Variants in GRID1 observed in about 807,000 individuals in gnomAD.
The protein encoded by GRID1 is glutamate ionotropic receptor delta type subunit 1.
GRID1 carries 28 observed loss-of-function variants against 98.0 expected under a neutral mutation model. The observed-to-expected ratio is 0.29, with a 90% CI of 0.21 to 0.39. The LOEUF (loss-of-function observed/expected upper bound fraction) is 0.39. Among genes scored for constraint, GRID1 ranks in the 10% least tolerant of loss-of-function variants. The probability of loss-of-function intolerance (pLI) is 1.00; values close to 1 mark genes in which losing one functional copy is unlikely to be tolerated. For synonymous variants in GRID1, 553 were observed against 538.5 expected, an observed-to-expected ratio of 1.03 and a Z score of -0.37; for missense variants, 1,111 against 1,340.5, an observed-to-expected ratio of 0.83 and a Z score of 2.67.
intron 4 of GRID1, among the ~76,000 whole-genome samples, chr10:86,096,629 C>G (rs1189095712): frequency 2.0e-5 from 3 of 152,222 alleles, no homozygotes; most frequent in Non-Finnish European, 4.4e-5. Context: ...GACCAGGAAA[C>G]TCATTTCACA....
intron 2 of GRID1, among the ~76,000 whole-genome samples, chr10:86,305,840 CA>C (rs994334276): frequency 1.3e-5 from 2 of 152,176 alleles, no homozygotes; most frequent in Non-Finnish European, 2.9e-5. Flanking sequence ...ACAATCTTCA[CA>C]AAAATTCTAT....
chr10:85,720,379 C>G (rs1159843690), intron 12 of GRID1, among the ~76,000 whole-genome samples: 3 of 151,688 alleles, frequency 2.0e-5, no homozygotes, highest in African/African-American at 7.3e-5. Flanking sequence ...ATAATGCTAA[C>G]AAAGAAGATT....
At chr10:85,996,785 T>G (rs529901746) in intron 4 of GRID1, among the ~76,000 whole-genome samples, 1 of 147,382 alleles carries the variant, frequency 6.8e-6, no homozygotes, top group African/African-American at 2.5e-5. Context: ...GCTGAGATCA[T>G]GCTATTGCAC....
chr10:85,701,372 G>A (rs1447939743), intron 12 of GRID1, among the ~76,000 whole-genome samples: 1 of 136,242 alleles, frequency 7.3e-6, no homozygotes, highest in African/African-American at 2.6e-5. Flanking sequence ...CAGAGAATAT[G>A]GACGCCAAGA....
chr10:85,866,160 A>G (rs944194206), intron 6 of GRID1, among the ~76,000 whole-genome samples: 1 of 151,120 alleles, frequency 6.6e-6, no homozygotes, highest in Non-Finnish European at 1.5e-5. Context: ...CAAGGAAGCT[A>G]TGATTGAGTA....
intron 4 of GRID1, among the ~76,000 whole-genome samples, chr10:85,982,916 G>A (rs1203471088): frequency 3.3e-5 from 5 of 152,134 alleles, no homozygotes; most frequent in African/African-American, 1.2e-4. Context: ...CTTAAATCAA[G>A]ACTGTAAAAA....
intron 2 of GRID1, among the ~76,000 whole-genome samples, chr10:86,213,610 T>C (rs1405295589): frequency 2.0e-5 from 3 of 152,070 alleles, no homozygotes; most frequent in Admixed American, 2.0e-4. Flanking sequence ...ATCCATCATG[T>C]ATACCCTCTC....
intron 13 of GRID1, among the ~76,000 whole-genome samples, chr10:85,624,634 A>T (rs1191909292): frequency 6.6e-6 from 1 of 152,246 alleles, no homozygotes; most frequent in Non-Finnish European, 1.5e-5. Context: ...TTACATTTCT[A>T]GCGGTTTCTT....
chr10:85,899,373 A>T (rs148629942), intron 5 of GRID1, among the ~76,000 whole-genome samples: 1,774 of 152,328 alleles, frequency 0.012, 31 homozygotes, highest in Middle Eastern at 0.034. Context: ...TGCAATCCAC[A>T]TGAGAGTGCA....
chr10:85,849,859 C>T (rs1026285005), intron 8 of GRID1, among the ~76,000 whole-genome samples: 3 of 152,216 alleles, frequency 2.0e-5, no homozygotes. Flanking sequence ...TCCTGCTTGA[C>T]CAGACTTTGT....
rs562986521 is a variant in GRID1 at position 85,880,969 on chromosome 10, T to A, written c.781-11789A>T. Among the ~76,000 whole-genome samples, 5 of 152,290 alleles carry A rather than the reference T, an allele frequency of 3.3e-5. No homozygotes were observed. The East Asian group carries it at 9.6e-4, about 29-fold the overall frequency. ...TGTACAAAAATCACAAGCATTCTTA[T>A]ACACCAATAACAGACAAACAGAGAG... is the stretch of plus-strand genomic sequence containing the variant. On this transcript the variant is annotated intron_variant, in intron 5 of 15. Coordinates refer to ENST00000327946, the MANE Select transcript of GRID1 (RefSeq NM_017551.3).
rs150725588 is a variant in GRID1, at chr10:85,928,054, A to T, written c.727-11815T>A. On this transcript the variant is annotated intron_variant, in intron 4 of 15. Transcript: ENST00000327946. The stretch of plus-strand genomic sequence containing the variant: ...CAAGGAGAAAAAGGAACCTGATGTG[A>T]CTTCCAGATGCAGCTGCATAAAGAC... 2.0e-5 allele frequency among the ~76,000 whole-genome samples: 3 copies of T among 152,334 alleles called. No homozygotes were observed. The East Asian group carries it at 5.8e-4, about 29-fold the overall frequency.
intron 2 of GRID1, among the ~76,000 whole-genome samples, chr10:86,328,443 G>A (rs189596456): frequency 2.2e-4 from 33 of 152,320 alleles, no homozygotes; most frequent in East Asian, 3.9e-4. Context: ...AATGGTATGC[G>A]CTCAGCCATG....
intron 2 of GRID1, among the ~76,000 whole-genome samples, chr10:86,298,158 G>A (rs1043463817): frequency 9.9e-5 from 15 of 152,136 alleles, no homozygotes; most frequent in African/African-American, 3.4e-4. Flanking sequence ...CTAACAAAAG[G>A]TGATGTTTAA....
intron 5 of GRID1, among the ~76,000 whole-genome samples, chr10:85,880,238 C>T (rs1327489673): frequency 1.4e-3 from 207 of 152,208 alleles, no homozygotes; most frequent in African/African-American, 3.4e-3. Flanking sequence ...TTCCAATCAA[C>T]AGAAAAAGAG....
intron 8 of GRID1, among the ~76,000 whole-genome samples, chr10:85,730,993 C>A (rs548731741): frequency 6.6e-6 from 1 of 152,274 alleles, no homozygotes; most frequent in African/African-American, 2.4e-5. Flanking sequence ...AGAAGAAGAA[C>A]TCCAGTGGAA....
rs60546466 is a variant in GRID1 at position 86,012,863 on chromosome 10, T to G, written c.727-96624A>C. On this transcript the variant is annotated intron_variant, in intron 4 of 15. Coordinates refer to ENST00000327946, the MANE Select transcript of GRID1 (RefSeq NM_017551.3). Reference sequence around the variant, plus strand: ...CAGAACTGTGAGAAATAAATTACTATTGTTTATAAGCGAAATCATTTATGG... The same window carrying G: ...CAGAACTGTGAGAAATAAATTACTAGTGTTTATAAGCGAAATCATTTATGG... Among the ~76,000 whole-genome samples the G allele has an allele frequency of 9.2e-3, 1,405 of 152,304 alleles. 36 individuals are homozygous for G. The highest frequency in any genetic ancestry group is 0.032 in the African/African-American group (1,321 of 41,560).
chr10:86,339,195 C>T (rs1370296176), intron 2 of GRID1, among the ~76,000 whole-genome samples: 2 of 152,234 alleles, frequency 1.3e-5, no homozygotes, highest in African/African-American at 2.4e-5. Context: ...TCTGCCCTGC[C>T]ACACCTGGAC....
At chr10:85,694,550 G>GTATATA (rs56344083) in intron 12 of GRID1, among the ~76,000 whole-genome samples, 32 of 92,826 alleles carry the variant, frequency 3.4e-4, no homozygotes, top group East Asian at 1.2e-3. Context: ...AATGTGGTGT[G>GTATATA]TATATATATA....
Sources: allele counts gnomAD v4.1 joint callset (sites outside exome capture counted in the v4.1 genomes callset), GRCh38; gene constraint gnomAD v4.1.1; transcripts MANE v1.5; gene names NCBI Gene and HGNC (gene_info 2026-07-23, HGNC 2026-07-21).